Variants in USP13 observed in about 807,000 individuals in gnomAD.
USP13 encodes ubiquitin carboxyl-terminal hydrolase 13.
Under a neutral mutation model 107.8 loss-of-function variants are expected in USP13, and 68 were observed. That is an observed-to-expected ratio of 0.63 (90% CI 0.52 to 0.77). The LOEUF is 0.77. Among genes scored for constraint, USP13 ranks in the 30% least tolerant of loss-of-function variants. USP13 has a pLI of 0.00. For missense variants in USP13, 945 were observed against 1,093.3 expected (o/e 0.86, Z 1.91); for synonymous variants, 377 against 389.5 (o/e 0.97, Z 0.38).
At chr3:179,741,909 TCTC>T (rs1714214165) in intron 11 of USP13, among the ~76,000 whole-genome samples, 1 of 152,212 alleles carries the variant, frequency 6.6e-6, no homozygotes, top group South Asian at 2.1e-4. Context: ...TTGATTGGCT[TCTC>T]CTCCTCCTTT....
chr3:179,730,574 A>G (rs752396465), intron 9 of USP13, 42 bp from the exon 10 acceptor site: 2 of 1,533,694 alleles, frequency 1.3e-6, no homozygotes, highest in Non-Finnish European at 1.8e-6. Flanking sequence ...CTATGGAAAA[A>G]CAACAATGAC....
intron 14 of USP13, 110 bp downstream of exon 14, chr3:179,752,483 C>A: frequency 1.2e-6 from 1 of 803,098 alleles, no homozygotes; most frequent in Non-Finnish European, 2.1e-6. Context: ...CCATTTCATT[C>A]CATCATTCTC....
chr3:179,725,767 G>A (rs1713492163), intron 8 of USP13, among the ~76,000 whole-genome samples: 1 of 152,212 alleles, frequency 6.6e-6, no homozygotes. Flanking sequence ...TCTTGTGCTG[G>A]AGATGCAGTG....
intron 6 of USP13, among the ~76,000 whole-genome samples, chr3:179,711,950 C>T (rs1712946778): frequency 6.6e-6 from 1 of 152,156 alleles, no homozygotes; most frequent in Admixed American, 6.5e-5. Flanking sequence ...GGTTTGTTTA[C>T]ACCAGCATCA....
intron 10 of USP13, among the ~76,000 whole-genome samples, chr3:179,731,514 C>T (rs192104422): frequency 2.6e-4 from 39 of 152,204 alleles, no homozygotes; most frequent in Admixed American, 7.2e-4. Context: ...GGTAAGCTGC[C>T]GGGTGGTTCT....
intron 5 of USP13, among the ~76,000 whole-genome samples, chr3:179,708,388 C>A (rs939241511): frequency 2.6e-5 from 4 of 151,970 alleles, no homozygotes; most frequent in Non-Finnish European, 5.9e-5. Context: ...CCCACTGCAA[C>A]CTCCGCCTCT....
chr3:179,771,463 G>A (rs769380307), intron 19 of USP13, among the ~76,000 whole-genome samples: 16 of 152,186 alleles, frequency 1.1e-4, no homozygotes, highest in Non-Finnish European at 2.1e-4. Flanking sequence ...TTCAAGTGTG[G>A]TTCGGACTAA....
chr3:179,771,287 G>A (rs1328005080), intron 19 of USP13, among the ~76,000 whole-genome samples: 7 of 152,210 alleles, frequency 4.6e-5, no homozygotes, highest in Non-Finnish European at 7.3e-5. Flanking sequence ...CTGAGAGCCT[G>A]AGACTCTGTG....
chr3:179,695,098 A>G (rs527375308), intron 3 of USP13, among the ~76,000 whole-genome samples: 1 of 152,318 alleles, frequency 6.6e-6, no homozygotes, highest in South Asian at 2.1e-4. Context: ...CTTTCCCTCA[A>G]AGGGATGCTG....
At chr3:179,662,736 G>C (rs769981848) in intron 1 of USP13, among the ~76,000 whole-genome samples, 1 of 152,168 alleles carries the variant, frequency 6.6e-6, no homozygotes, top group Non-Finnish European at 1.5e-5. Flanking sequence ...TAGAGCTTTG[G>C]AATGTGAGAG....
At position 179,727,060 on chromosome 3, in the gene USP13, A is replaced by G. The variant is rs78905694; in HGVS notation, c.1089-3129A>G. Among the ~76,000 whole-genome samples the G allele has an allele frequency of 4.7e-3, 709 of 152,168 alleles. 7 individuals are homozygous for G. Among genetic ancestry groups the G allele is most frequent in the African/African-American group, 0.016 (674 of 41,508 alleles). The stretch of plus-strand genomic sequence containing the variant: ...ACAATCTCTTCCTCATACGGTTGCA[A>G]TGAAAACTCAACAGGCTAATATAGG... On this transcript the variant is annotated intron_variant, in intron 8 of 20. Coordinates refer to ENST00000263966, the MANE Select transcript of USP13 (RefSeq NM_003940.3).
At chr3:179,781,650 T>C (rs1283697020) in intron 19 of USP13, 89 bp from the exon 20 acceptor site, 1 of 1,113,522 alleles carries the variant, frequency 9.0e-7, no homozygotes, top group Admixed American at 1.9e-5. Context: ...AGTTGCTGGA[T>C]TATACTATGG....
At chr3:179,724,188 T>C (rs1553794215) in intron 8 of USP13, among the ~76,000 whole-genome samples, 1 of 151,812 alleles carries the variant, frequency 6.6e-6, no homozygotes, top group Non-Finnish European at 1.5e-5. Context: ...CCGGGTGCAG[T>C]GGCTCACGCC....
chr3:179,752,563 C>T (rs1714650593), intron 14 of USP13, among the ~76,000 whole-genome samples, 190 bp downstream of exon 14: 1 of 152,214 alleles, frequency 6.6e-6, no homozygotes, highest in African/African-American at 2.4e-5. Flanking sequence ...TTACCCACCC[C>T]TCCAGTTATG....
At chr3:179,706,633 A>G (rs1411632305) in intron 4 of USP13, among the ~76,000 whole-genome samples, 1 of 152,102 alleles carries the variant, frequency 6.6e-6, no homozygotes, top group Non-Finnish European at 1.5e-5. Flanking sequence ...TTCACCTCCT[A>G]CTTTTCACCC....
In USP13 at chr3:179,653,258, G is replaced by C. The variant is rs754596072; in HGVS notation, c.33G>C (p.Pro11=). The C allele has an allele frequency of 1.9e-6, 3 of 1,560,108 alleles. No homozygotes were observed. Among genetic ancestry groups the C allele is most frequent in the Middle Eastern group, 1.7e-4 (1 of 5,770 alleles). Residue 11 remains proline (P), a synonymous_variant, in exon 1 of 21, where the codon CCG becomes CCC. Coordinates refer to ENST00000263966, the MANE Select transcript of USP13 (RefSeq NM_003940.3). This position sits in a 1 kb window ranked among gnomAD's most constrained non-coding sequence, Gnocchi z 4.0. MQRRGALFGM[P]GGSGGRKMAA... is the part of the protein sequence containing the mutation. ...GCCGGGGCGCCCTGTTCGGCATGCC[G>C]GGCGGCAGCGGAGGCAGGAAGATGG...
At position 179,680,173 on chromosome 3, in the gene USP13, A is replaced by AAACAACAACAACAACAAC. The variant is rs56274945; in HGVS notation, c.169-1693_169-1676dup. Among the ~76,000 whole-genome samples, 199 of 150,304 alleles carry AAACAACAACAACAACAAC rather than the reference A, an allele frequency of 1.3e-3. 2 individuals are homozygous for AAACAACAACAACAACAAC. Among genetic ancestry groups the AAACAACAACAACAACAAC allele is most frequent in the Admixed American group, 8.6e-3 (130 of 15,034 alleles). ...GGGGAACAGAGTGAGACGCTGTTGA[A>AAACAACAACAACAACAAC]AACAACAACAACAACAACAACAACA... On this transcript the variant is annotated intron_variant, in intron 1 of 20. Transcript: ENST00000263966.
intron 1 of USP13, among the ~76,000 whole-genome samples, chr3:179,670,202 C>G (rs139069423): frequency 1.3e-5 from 2 of 152,144 alleles, no homozygotes; most frequent in African/African-American, 4.8e-5. Flanking sequence ...AACCCTGTCC[C>G]CCATCTGTAT....
intron 3 of USP13, among the ~76,000 whole-genome samples, chr3:179,692,158 A>G (rs917988317): frequency 5.3e-5 from 8 of 152,254 alleles, no homozygotes; most frequent in Non-Finnish European, 1.2e-4. Flanking sequence ...AGTCTGGAAG[A>G]ATACTCCAAA....
Sources: allele counts gnomAD v4.1 joint callset (sites outside exome capture counted in the v4.1 genomes callset), GRCh38; gene constraint gnomAD v4.1.1; non-coding constraint Gnocchi (gnomAD v3.1); transcripts MANE v1.5; gene names NCBI Gene and HGNC (gene_info 2026-07-23, HGNC 2026-07-21).